GAL3ST1: variants seen among roughly 807,000 people sequenced by gnomAD.
GAL3ST1 encodes galactosylceramide sulfotransferase.
GAL3ST1 carries 13 observed loss-of-function variants against 25.0 expected under a neutral mutation model. That is an observed-to-expected ratio of 0.52 (90% CI 0.34 to 0.83). GAL3ST1 has a LOEUF of 0.83. GAL3ST1 is among the 40% of genes least tolerant of loss of function. The pLI, the probability that GAL3ST1 is intolerant of heterozygous loss-of-function variation, is 0.02. For synonymous variants in GAL3ST1, 274 were observed against 277.8 expected, an observed-to-expected ratio of 0.99 and a Z score of 0.14; for missense variants, 474 against 613.6, an observed-to-expected ratio of 0.77 and a Z score of 2.40.
rs1248807871 is a variant in GAL3ST1, at chr22:30,555,201, G to A, written c.1024C>T (p.Arg342Trp). 2 of 1,599,546 alleles carry A rather than the reference G, an allele frequency of 1.3e-6. No individual in the cohort carries two copies. Among genetic ancestry groups the A allele is most frequent in the Non-Finnish European group, 8.5e-7 (1 of 1,175,796 alleles). Residue 342 changes from arginine to tryptophan, a missense_variant, in exon 4 of 4, where the codon CGG (arginine) becomes TGG (tryptophan). This residue lies in a region of GAL3ST1 where 359 missense variants were observed against 504.4 expected (regional missense o/e 0.71). Transcript: ENST00000406361. This position sits in a 1 kb window ranked among gnomAD's most constrained non-coding sequence, Gnocchi z 8.6. ...AALRHANERMRTICIDGGHAV... is the reference protein window; with the variant it reads ...AALRHANERMWTICIDGGHAV... ...TGGCCCCCGTCGATGCAGATGGTCC[G>A]CATGCGCTCGTTGGCATGGCGCAGG...
Position 30,554,819 on chromosome 22 carries a change from C to T in GAL3ST1, c.*134G>A, listed in dbSNP as rs2029942546. 4.6e-6 allele frequency: 3 copies of T among 650,918 alleles called. No individual in the cohort carries two copies. The allele number at this position is 650,918 out of a possible 1,614,324, so 40.3% of individuals were successfully genotyped here. ...GCCCAGTCTTGGCTGGCTGCCTCCC[C>T]CCAGGGAGCCCCCCCTCACCCCGGG... On this transcript the variant is annotated 3_prime_UTR_variant, in exon 4 of 4. Coordinates refer to ENST00000406361, the MANE Select transcript of GAL3ST1 (RefSeq NM_001318104.2).
intron 1 of GAL3ST1, among the ~76,000 whole-genome samples, chr22:30,563,522 G>A (rs1416916383): frequency 2.6e-5 from 4 of 151,586 alleles, no homozygotes; most frequent in African/African-American, 4.9e-5. Context: ...AGGCTGAGGC[G>A]GAAGTATCAC....
Position 30,555,777 on chromosome 22 carries a change from G to T in GAL3ST1, c.448C>A (p.Arg150Ser). The T allele has an allele frequency of 1.2e-6, 2 of 1,614,122 alleles. No individual in the cohort carries two copies. Among genetic ancestry groups the T allele is most frequent in the Non-Finnish European group, 1.7e-6 (2 of 1,180,026 alleles). Reference protein sequence around the residue: ...NHMRFHYDEVRGLVPTNAIFI... With the variant: ...NHMRFHYDEVSGLVPTNAIFI... ...ATGGCGTTGGTCGGCACCAGGCCGCGCACCTCGTCGTAGTGGAAGCGCATG... is the reference window on the plus strand; with the variant it reads ...ATGGCGTTGGTCGGCACCAGGCCGCTCACCTCGTCGTAGTGGAAGCGCATG... Residue 150 changes from arginine (R) to serine (S), a missense_variant, in exon 4 of 4, where the codon CGC becomes AGC. By Grantham distance (110) the Arg-to-Ser change is moderately radical (BLOSUM62 -1). Transcript: ENST00000406361. This position sits in a 1 kb window ranked among gnomAD's most constrained non-coding sequence, Gnocchi z 8.6.
At chr22:30,573,192 G>T (rs908698265) in intron 1 of GAL3ST1, among the ~76,000 whole-genome samples, 3 of 152,170 alleles carry the variant, frequency 2.0e-5, no homozygotes, top group African/African-American at 7.2e-5. Context: ...GGGAGGCGAG[G>T]GGGGGTGTCC....
intron 1 of GAL3ST1, among the ~76,000 whole-genome samples, chr22:30,571,482 T>G (rs1299110106): frequency 6.6e-6 from 1 of 152,180 alleles, no homozygotes; most frequent in African/African-American, 2.4e-5. Context: ...AGGTGGTAGC[T>G]GGCCCAGCAG....
In GAL3ST1 at chr22:30,555,336, C is replaced by A. The variant is rs754370102; in HGVS notation, c.889G>T (p.Ala297Ser). 1 of 1,606,772 alleles carries A rather than the reference C, an allele frequency of 6.2e-7. No individual in the cohort carries two copies. The highest frequency in any genetic ancestry group is 8.5e-7 in the Non-Finnish European group (1 of 1,179,002). ...PRLSGELYGR[A>S]TAWNMLDSHL... ...GAGTCCAGCATGTTCCAGGCGGTGG[C>A]GCGCCCATACAGCTCCCCCGAGAGC... The change falls in exon 4 of 4, where the codon GCC becomes TCC. Residue 297 changes from alanine (A) to serine (S), a missense_variant. By Grantham distance (99) the Ala-to-Ser change is moderately conservative (BLOSUM62 1). Transcript: ENST00000406361. This position sits in a 1 kb window ranked among gnomAD's most constrained non-coding sequence, Gnocchi z 8.6.
At chr22:30,560,030 T>G (rs917380434) in intron 1 of GAL3ST1, among the ~76,000 whole-genome samples, 2 of 152,148 alleles carry the variant, frequency 1.3e-5, no homozygotes, top group African/African-American at 4.8e-5. Flanking sequence ...GGAAAAGTTA[T>G]GCTGAGGTGG....
intron 1 of GAL3ST1, among the ~76,000 whole-genome samples, chr22:30,563,745 C>T (rs1395809906): frequency 1.4e-5 from 2 of 140,506 alleles, no homozygotes; most frequent in African/African-American, 2.7e-5. Context: ...AACCCCATCT[C>T]TACTAAAAAT....
intron 1 of GAL3ST1, among the ~76,000 whole-genome samples, chr22:30,568,276 C>T (rs939116487): frequency 6.6e-6 from 1 of 152,236 alleles, no homozygotes; most frequent in East Asian, 1.9e-4. Flanking sequence ...TTTCCAAAGA[C>T]AGTCCCCTTT....
intron 1 of GAL3ST1, among the ~76,000 whole-genome samples, chr22:30,572,458 A>G (rs1449851974): frequency 6.6e-6 from 1 of 152,158 alleles, no homozygotes; most frequent in African/African-American, 2.4e-5. Context: ...AAAAAATGGC[A>G]GGTACTATGA....
At chr22:30,557,502 C>G in intron 2 of GAL3ST1, 101 bp from the exon 3 acceptor site, 1 of 1,313,596 alleles carries the variant, frequency 7.6e-7, no homozygotes. Context: ...TTTGCCTGCT[C>G]TGTGGCCCCC....
chr22:30,562,192 C>T (rs1326572827), intron 1 of GAL3ST1, among the ~76,000 whole-genome samples: 1 of 152,158 alleles, frequency 6.6e-6, no homozygotes, highest in East Asian at 1.9e-4. Flanking sequence ...CTAGGACTAA[C>T]AGGCATGCAC....
intron 2 of GAL3ST1, chr22:30,557,719 T>C (rs1372544621): frequency 4.1e-6 from 1 of 243,888 alleles, no homozygotes; most frequent in African/African-American, 2.2e-5. Context: ...TTTTAATTTT[T>C]AAGCTGGCTG....
intron 1 of GAL3ST1, among the ~76,000 whole-genome samples, chr22:30,567,182 T>C (rs1024719737): frequency 6.6e-6 from 1 of 151,100 alleles, no homozygotes; most frequent in Non-Finnish European, 1.5e-5. Context: ...TACAGAAGAG[T>C]ATAAAGAAGA....
In GAL3ST1 at chr22:30,555,728, G is replaced by C; in HGVS notation, c.497C>G (p.Pro166Arg). The C allele has an allele frequency of 6.2e-7, 1 of 1,614,038 alleles. No individual in the cohort carries two copies. Among genetic ancestry groups the C allele is most frequent in the South Asian group, 1.1e-5 (1 of 91,078 alleles). ...GAAGGAGGACTCGAACAAGCGGGCG[G>C]GGTCGCGGAGCACCGTGATGAAGAT... is the stretch of plus-strand genomic sequence containing the variant. ...NAIFITVLRDPARLFESSFHY... is the reference protein window; with the variant it reads ...NAIFITVLRDRARLFESSFHY... Residue 166 changes from proline to arginine, a missense_variant, in exon 4 of 4, where the codon CCC becomes CGC. Physicochemically the swap from Pro to Arg is moderately radical, Grantham distance 103. Transcript: ENST00000406361. The surrounding 1 kb of genome is among the most constrained non-coding windows in gnomAD (Gnocchi z 8.6).
At chr22:30,559,202 G>A (rs1202304754) in intron 1 of GAL3ST1, among the ~76,000 whole-genome samples, 2 of 152,008 alleles carry the variant, frequency 1.3e-5, no homozygotes, top group African/African-American at 4.8e-5. Context: ...TAGATGTCCT[G>A]GAGGTTTTGT....
Position 30,556,039 on chromosome 22 carries a change from C to CACT in GAL3ST1, c.183_185dup (p.Val62dup). ...CCCCCGCCGAGCCGTTGGCCCGGAT[C>CACT]ACTGCCTCTGGCTCGAGTGCAGGTG... On this transcript the variant is annotated inframe_insertion, in exon 4 of 4. Transcript: ENST00000406361. 6.2e-7 allele frequency: 1 copy of CACT among 1,612,692 alleles called. No homozygotes were observed. Among genetic ancestry groups the CACT allele is most frequent in the Middle Eastern group, 1.6e-4 (1 of 6,062 alleles).
intron 1 of GAL3ST1, chr22:30,560,139 A>G (rs1280102997): frequency 1.3e-5 from 2 of 152,152 alleles, no homozygotes; most frequent in African/African-American, 4.8e-5. Flanking sequence ...GTGAGGCCCC[A>G]TCTCAAAAAA....
chr22:30,573,042 C>A (rs941438114), intron 1 of GAL3ST1, among the ~76,000 whole-genome samples: 1 of 152,184 alleles, frequency 6.6e-6, no homozygotes, highest in Admixed American at 6.5e-5. Flanking sequence ...CCGCAAGGAG[C>A]TTCCTCCAGG....
Sources: allele counts gnomAD v4.1 joint callset (sites outside exome capture counted in the v4.1 genomes callset), GRCh38; gene constraint gnomAD v4.1.1; regional missense constraint gnomAD v4.1.1; non-coding constraint Gnocchi (gnomAD v3.1); transcripts MANE v1.5; gene names NCBI Gene and HGNC (gene_info 2026-07-23, HGNC 2026-07-21).